The following PPP1CB variants were observed in gnomAD, a reference collection of about 807,000 sequenced individuals.
The protein encoded by PPP1CB is serine/threonine-protein phosphatase PP1-beta catalytic subunit.
PPP1CB carries 2 observed loss-of-function variants against 43.7 expected under a neutral mutation model. The ratio of observed to expected loss-of-function variants is 0.05; its 90% CI spans 0.02 to 0.14. The LOEUF (loss-of-function observed/expected upper bound fraction) is 0.14. Among genes scored for constraint, PPP1CB ranks in the 10% least tolerant of loss-of-function variants. The pLI is 1.00. For synonymous variants in PPP1CB, 136 were observed against 135.6 expected, an observed-to-expected ratio of 1.00 and a Z score of -0.02; for missense variants, 84 against 398.0, an observed-to-expected ratio of 0.21 and a Z score of 6.71.
intron 1 of PPP1CB, among the ~76,000 whole-genome samples, chr2:28,753,162 G>A (rs1337048258): frequency 6.6e-6 from 1 of 152,128 alleles, no homozygotes; most frequent in East Asian, 1.9e-4. Context: ...ATCAATAATT[G>A]TTTTGTGAGT....
At chr2:28,772,347 C>G (rs1294532547) in intron 1 of PPP1CB, among the ~76,000 whole-genome samples, 1 of 152,056 alleles carries the variant, frequency 6.6e-6, no homozygotes, top group African/African-American at 2.4e-5. Context: ...TCGGGGAAAT[C>G]AAATTAAATC....
intron 1 of PPP1CB, among the ~76,000 whole-genome samples, chr2:28,770,677 C>T (rs1203490792): frequency 6.6e-6 from 1 of 152,014 alleles, no homozygotes; most frequent in African/African-American, 2.4e-5. Flanking sequence ...ACTAGTAGAA[C>T]AAACAGGAAA....
At chr2:28,752,202 A>G (rs1294150641) in intron 1 of PPP1CB, 26 bp downstream of exon 1, 6 of 1,524,240 alleles carry the variant, frequency 3.9e-6, no homozygotes, top group East Asian at 2.6e-5. Flanking sequence ...GCCGCGGGAC[A>G]GAGGGAGGTC....
chr2:28,764,503 G>A (rs1248398755), intron 1 of PPP1CB, among the ~76,000 whole-genome samples: 1 of 151,494 alleles, frequency 6.6e-6, no homozygotes, highest in Non-Finnish European at 1.5e-5. Flanking sequence ...GCCAATTGTA[G>A]AATTTTTATT....
At chr2:28,757,581 G>C (rs902195369) in intron 1 of PPP1CB, among the ~76,000 whole-genome samples, 1 of 152,206 alleles carries the variant, frequency 6.6e-6, no homozygotes, top group Non-Finnish European at 1.5e-5. Context: ...GGTGTTTTGT[G>C]TGGATGTGCA....
intron 1 of PPP1CB, among the ~76,000 whole-genome samples, chr2:28,760,176 A>C (rs1183675209): frequency 1.3e-5 from 2 of 152,234 alleles, no homozygotes; most frequent in Non-Finnish European, 2.9e-5. Context: ...ATATTTTTAA[A>C]AATAGGAAAA....
intron 1 of PPP1CB, among the ~76,000 whole-genome samples, chr2:28,766,678 G>C (rs1261643292): frequency 6.6e-6 from 1 of 152,178 alleles, no homozygotes; most frequent in Non-Finnish European, 1.5e-5. Flanking sequence ...GAGAGCCAAG[G>C]AACACCACTC....
intron 5 of PPP1CB, among the ~76,000 whole-genome samples, chr2:28,786,380 C>T (rs1395744132): frequency 1.3e-5 from 2 of 152,138 alleles, no homozygotes; most frequent in African/African-American, 4.8e-5. Flanking sequence ...TCCCAAAGTG[C>T]TGGGATTACA....
intron 1 of PPP1CB, among the ~76,000 whole-genome samples, chr2:28,767,272 T>G (rs1437108511): frequency 4.6e-5 from 7 of 152,196 alleles, no homozygotes; most frequent in Admixed American, 3.9e-4. Context: ...TCATTTTAAT[T>G]TTTTAAAAAG....
At chr2:28,791,860 G>T (rs550494207) in intron 6 of PPP1CB, among the ~76,000 whole-genome samples, 19 of 152,186 alleles carry the variant, frequency 1.2e-4, no homozygotes, top group Non-Finnish European at 2.6e-4. Context: ...TCCAGAAACT[G>T]CCAAAATCCT....
intron 1 of PPP1CB, among the ~76,000 whole-genome samples, chr2:28,754,154 TA>T (rs1666422600): frequency 6.6e-6 from 1 of 152,200 alleles, no homozygotes. Flanking sequence ...AAAACAGATT[TA>T]TGTTTTAAAA....
chr2:28,785,294 T>C (rs573390620), intron 5 of PPP1CB, among the ~76,000 whole-genome samples: 1 of 151,870 alleles, frequency 6.6e-6, no homozygotes, highest in South Asian at 2.1e-4. Flanking sequence ...CAGGATGGTC[T>C]CGATCTCTTG....
chr2:28,798,609 G>T (rs1437073174), intron 7 of PPP1CB, among the ~76,000 whole-genome samples: 1 of 149,546 alleles, frequency 6.7e-6, no homozygotes, highest in Non-Finnish European at 1.5e-5. Context: ...TATGATGCCA[G>T]TTATATGAAA....
At chr2:28,756,789 G>T (rs569508316) in intron 1 of PPP1CB, among the ~76,000 whole-genome samples, 27 of 134,562 alleles carry the variant, frequency 2.0e-4, no homozygotes, top group African/African-American at 6.7e-4. Flanking sequence ...CGCCCAGCCT[G>T]TAGTGTCCTT....
At chr2:28,799,086 A>G (rs994819398) in intron 7 of PPP1CB, 113 bp from the exon 8 acceptor site, 7 of 700,320 alleles carry the variant, frequency 1.0e-5, no homozygotes, top group African/African-American at 7.3e-5. Context: ...GCTATTCTAC[A>G]TTTTTATTGC....
At chr2:28,798,687 G>A (rs1358078787) in intron 7 of PPP1CB, among the ~76,000 whole-genome samples, 1 of 152,088 alleles carries the variant, frequency 6.6e-6, no homozygotes, top group Admixed American at 6.6e-5. Flanking sequence ...AGAGGATGTG[G>A]AGAGCAGGAA....
chr2:28,796,812 T>C (rs564552595), intron 7 of PPP1CB, among the ~76,000 whole-genome samples: 18 of 152,136 alleles, frequency 1.2e-4, no homozygotes, highest in Non-Finnish European at 2.6e-4. Context: ...AGTACTCTGT[T>C]GAATAGGGGT....
rs1163246060 is a variant in PPP1CB, at chr2:28,794,238, A to T, written c.879+241A>T. Among the ~76,000 whole-genome samples, 6 of 152,196 alleles carry T rather than the reference A, an allele frequency of 3.9e-5. No homozygotes were observed. The East Asian group carries it at 5.8e-4, about 15-fold the overall frequency. ...GTTACGTCAGTCATTCTTGATTCAG[A>T]TGTTTTAATTGTTAAAATTCCTCTA... On this transcript the variant is annotated intron_variant, in intron 7 of 7. Transcript: ENST00000395366.
chr2:28,778,655 A>T (rs573681445), intron 2 of PPP1CB, 154 bp from the exon 3 acceptor site: 10 of 597,050 alleles, frequency 1.7e-5, no homozygotes, highest in East Asian at 1.7e-4. Flanking sequence ...GTGACAGCCC[A>T]TCTCACTTTC....
Sources: allele counts gnomAD v4.1 joint callset (sites outside exome capture counted in the v4.1 genomes callset), GRCh38; gene constraint gnomAD v4.1.1; transcripts MANE v1.5; gene names NCBI Gene and HGNC (gene_info 2026-07-23, HGNC 2026-07-21).